Variants in GSTCD observed in about 807,000 individuals in gnomAD.
The protein encoded by GSTCD is glutathione S-transferase C-terminal domain containing.
Under a neutral mutation model 68.3 loss-of-function variants are expected in GSTCD, and 44 were observed. The observed-to-expected ratio is 0.64, with a 90% confidence interval of 0.51 to 0.83. GSTCD has a LOEUF of 0.83. GSTCD is among the 40% of genes least tolerant of loss of function. The pLI is 0.00. For synonymous variants in GSTCD, 273 were observed against 255.2 expected (o/e 1.07, Z -0.67); for missense variants, 739 against 735.9 (o/e 1.00, Z -0.05).
chr4:105,777,167 C>T lies in GSTCD; in HGVS notation c.1241-45787C>T, dbSNP rs1024044064. 5.9e-5 allele frequency among the ~76,000 whole-genome samples: 9 copies of T among 152,290 alleles called. No individual in the cohort carries two copies. In the East Asian group the frequency reaches 1.5e-3, roughly 26 times the overall value. ...CTTAGTAAACAAAAATATATTGATA[C>T]ATTTTTATGTCTGGTACATTCTGGC... On this transcript the variant is annotated intron_variant, in intron 5 of 11. Transcript: ENST00000515279.
intron 5 of GSTCD, among the ~76,000 whole-genome samples, chr4:105,781,733 T>C (rs1027354449): frequency 6.6e-6 from 1 of 151,968 alleles, no homozygotes; most frequent in East Asian, 1.9e-4. Flanking sequence ...AAATAAAATC[T>C]AAATTTTTGG....
chr4:105,845,896 T>C lies in GSTCD; in HGVS notation c.*319T>C. On this transcript the variant is annotated 3_prime_UTR_variant, in exon 12 of 12. Transcript: ENST00000515279. ...TCTCACTTCACAAGCTCCTCTGATC[T>C]TGCCAATGTGATGTTTAATTCAAAA... 1 of 255,688 alleles carries C rather than the reference T, an allele frequency of 3.9e-6. No individual in the cohort carries two copies. Among genetic ancestry groups the C allele is most frequent in the Non-Finnish European group, 7.7e-6 (1 of 130,456 alleles). 15.8% of individuals were successfully genotyped at this position (255,688 alleles called of 1,614,324 possible). A position where few individuals can be genotyped will look rare whatever the true frequency, so the allele number is the denominator to read the frequency against.
At chr4:105,732,758 C>G (rs1266774545) in intron 5 of GSTCD, among the ~76,000 whole-genome samples, 1 of 152,100 alleles carries the variant, frequency 6.6e-6, no homozygotes, top group East Asian at 1.9e-4. Context: ...GCTCTTGCTT[C>G]TCTAGTTCTT....
chr4:105,750,064 A>G (rs1267240584), intron 5 of GSTCD, among the ~76,000 whole-genome samples: 1 of 152,236 alleles, frequency 6.6e-6, no homozygotes, highest in East Asian at 1.9e-4. Flanking sequence ...TGGCACATGC[A>G]TATATGAAAA....
At chr4:105,737,051 T>C (rs930469910) in intron 5 of GSTCD, among the ~76,000 whole-genome samples, 11 of 152,300 alleles carry the variant, frequency 7.2e-5, no homozygotes, top group Admixed American at 7.2e-4. Flanking sequence ...GCAATAAACA[T>C]GTAAGGGCAG....
intron 1 of GSTCD, chr4:105,710,920 C>G (rs1164911013): frequency 6.6e-6 from 1 of 152,130 alleles, no homozygotes; most frequent in East Asian, 1.9e-4. Flanking sequence ...GATAAGAAAA[C>G]AGCTAATTTT....
At chr4:105,837,956 A>AT in intron 10 of GSTCD, 67 bp downstream of exon 10, 1 of 600,384 alleles carries the variant, frequency 1.7e-6, no homozygotes, top group South Asian at 2.6e-5. Context: ...TCCCTCTCAT[A>AT]TTTCTAGTGG....
At chr4:105,764,134 G>A (rs574645538) in intron 5 of GSTCD, among the ~76,000 whole-genome samples, 10 of 152,066 alleles carry the variant, frequency 6.6e-5, no homozygotes, top group Non-Finnish European at 1.2e-4. Flanking sequence ...TAAATTACAC[G>A]TATAATATCA....
chr4:105,731,725 CT>C (rs1160571326), intron 5 of GSTCD, among the ~76,000 whole-genome samples: 1 of 152,204 alleles, frequency 6.6e-6, no homozygotes, highest in Non-Finnish European at 1.5e-5. Context: ...ACTTCCAACA[CT>C]ATGTTGAATA....
chr4:105,769,249 A>ACACACACACG (rs1734745803), intron 5 of GSTCD, among the ~76,000 whole-genome samples: 1 of 151,478 alleles, frequency 6.6e-6, no homozygotes, highest in Admixed American at 6.6e-5. Context: ...ACACACACAC[A>ACACACACACG]CACACACACA....
intron 5 of GSTCD, among the ~76,000 whole-genome samples, chr4:105,746,626 A>AT (rs1167168918): frequency 6.6e-6 from 1 of 152,044 alleles, no homozygotes; most frequent in Non-Finnish European, 1.5e-5. Flanking sequence ...GGAAGTATGA[A>AT]TTTTTTTAAT....
chr4:105,763,925 T>G (rs539563150), intron 5 of GSTCD, among the ~76,000 whole-genome samples: 4 of 152,296 alleles, frequency 2.6e-5, no homozygotes, highest in African/African-American at 7.2e-5. Flanking sequence ...TAAAGTCACC[T>G]TAGAATTATT....
At chr4:105,833,756 T>C (rs1402939615) in intron 8 of GSTCD, among the ~76,000 whole-genome samples, 1 of 152,184 alleles carries the variant, frequency 6.6e-6, no homozygotes. Flanking sequence ...TAAGTATAGA[T>C]ATACTTAAGG....
At chr4:105,828,405 C>G (rs1469385935) in intron 8 of GSTCD, among the ~76,000 whole-genome samples, 1 of 151,984 alleles carries the variant, frequency 6.6e-6, no homozygotes, top group Non-Finnish European at 1.5e-5. Context: ...AAGATAAGGA[C>G]CTTGAGAAAT....
intron 5 of GSTCD, among the ~76,000 whole-genome samples, chr4:105,731,054 T>A (rs1003020624): frequency 6.6e-6 from 1 of 152,190 alleles, no homozygotes; most frequent in African/African-American, 2.4e-5. Context: ...TGTGTGGTAT[T>A]ATTTCTGAGG....
rs75174077 is a variant in GSTCD, at chr4:105,771,186, C to T, written c.1240+41687C>T. Among the ~76,000 whole-genome samples the T allele has an allele frequency of 6.2e-3, 944 of 151,752 alleles. 7 individuals are homozygous for T. The highest frequency in any genetic ancestry group is 0.021 in the African/African-American group (866 of 41,394). ...TAAATGTCTTCTTTTGAGAACTGTC[C>T]GTGCATATACTTCGCCAACTTTTTG... On this transcript the variant is annotated intron_variant, in intron 5 of 11. Coordinates refer to ENST00000515279, the MANE Select transcript of GSTCD (RefSeq NM_001370181.1).
chr4:105,725,178 A>G (rs1331212359), intron 3 of GSTCD, among the ~76,000 whole-genome samples: 1 of 152,040 alleles, frequency 6.6e-6, no homozygotes, highest in Non-Finnish European at 1.5e-5. Context: ...GAATTATTGT[A>G]TTCTTCTTTT....
chr4:105,833,513 T>C (rs966694939), intron 8 of GSTCD, among the ~76,000 whole-genome samples: 3 of 152,092 alleles, frequency 2.0e-5, no homozygotes, highest in Admixed American at 6.5e-5. Flanking sequence ...CTCTTTACCC[T>C]GAGAGCCCCT....
chr4:105,789,106 G>A lies in GSTCD; in HGVS notation c.1241-33848G>A, dbSNP rs185240680. On this transcript the variant is annotated intron_variant, in intron 5 of 11. Transcript: ENST00000515279. Reference sequence around the variant, plus strand: ...ATTAAGACATGAAAGTGTAGTTTGTGTGTCTATATGTGTTTTCTCTTTTTT... The same window carrying A: ...ATTAAGACATGAAAGTGTAGTTTGTATGTCTATATGTGTTTTCTCTTTTTT... 7.6e-4 allele frequency among the ~76,000 whole-genome samples: 116 copies of A among 152,232 alleles called. 3 individuals are homozygous for A. Among genetic ancestry groups the A allele is most frequent in the African/African-American group, 2.7e-3 (114 of 41,494 alleles).
Sources: gnomAD v4.1 joint callset for allele counts (sites outside exome capture counted in the v4.1 genomes callset) on GRCh38, gnomAD v4.1.1 for gene constraint, MANE v1.5 for transcripts, NCBI Gene and HGNC (gene_info 2026-07-23, HGNC 2026-07-21) for gene names.